The following PEAK1 variants were observed in gnomAD, a reference collection of about 807,000 sequenced individuals.
PEAK1 encodes inactive tyrosine-protein kinase PEAK1.
PEAK1 carries 54 observed loss-of-function variants against 124.7 expected under a neutral mutation model. The observed-to-expected ratio is 0.43, with a 90% confidence interval of 0.35 to 0.54. PEAK1 has a LOEUF of 0.54. PEAK1 is among the 20% of genes least tolerant of loss of function. The pLI is 0.01. For missense variants in PEAK1, 2,046 were observed against 2,134.5 expected (o/e 0.96, Z 0.82); for synonymous variants, 719 against 760.0 (o/e 0.95, Z 0.89).
At chr15:77,173,263 T>C (rs2056632120) in intron 7 of PEAK1, among the ~76,000 whole-genome samples, 1 of 152,206 alleles carries the variant, frequency 6.6e-6, no homozygotes, top group Non-Finnish European at 1.5e-5. Context: ...TGATCACTAA[T>C]TGACCTTACA....
At chr15:77,346,405 TTCATTTTGCTA>T in intron 2 of PEAK1, 1 of 981,084 alleles carries the variant, frequency 1.0e-6, no homozygotes, top group Non-Finnish European at 1.2e-6. Context: ...AGAAGGCAAT[TTCATTTTGCTA>T]GGATGACAGT....
intron 1 of PEAK1, among the ~76,000 whole-genome samples, chr15:77,406,774 C>A (rs561190709): frequency 1.3e-4 from 19 of 151,934 alleles, no homozygotes; most frequent in South Asian, 8.3e-4. Context: ...AAAAAATGAT[C>A]CTAAAGTTCA....
intron 6 of PEAK1, among the ~76,000 whole-genome samples, chr15:77,185,057 G>A (rs1240043674): frequency 1.3e-5 from 2 of 152,230 alleles, no homozygotes; most frequent in Non-Finnish European, 2.9e-5. Flanking sequence ...GATCTGATGA[G>A]GATCTGGATT....
At chr15:77,351,605 A>G in intron 2 of PEAK1, 1 of 639,652 alleles carries the variant, frequency 1.6e-6, no homozygotes, top group Middle Eastern at 8.0e-4. Context: ...GCTCAGGCCC[A>G]CTCCCACACT....
intron 1 of PEAK1, chr15:77,418,624 T>G: frequency 1.0e-6 from 1 of 985,256 alleles, no homozygotes; most frequent in Non-Finnish European, 1.2e-6. Context: ...CCCAGGCAAG[T>G]CAGAAAGTAA....
chr15:77,193,855 A>G (rs183011163), intron 6 of PEAK1, among the ~76,000 whole-genome samples: 1 of 136,036 alleles, frequency 7.4e-6, no homozygotes. Flanking sequence ...ACTAAACTAA[A>G]CTAATCTAAC....
At chr15:77,355,476 CAG>C (rs1271568460) in intron 2 of PEAK1, among the ~76,000 whole-genome samples, 1 of 152,164 alleles carries the variant, frequency 6.6e-6, no homozygotes, top group Admixed American at 6.5e-5. Context: ...GACTTTAAGT[CAG>C]AGAGACCCTT....
In PEAK1 at chr15:77,350,363, G is replaced by C. The variant is rs1355966727; in HGVS notation, c.-603+14800C>G. On this transcript the variant is annotated intron_variant, in intron 2 of 9. Coordinates refer to ENST00000682557, the MANE Select transcript of PEAK1 (RefSeq NM_001385026.1). ...AGAGTATCATCAAATTAACTACTTA[G>C]CTCAGTTCACAAGACTTCATTTGTG... is the stretch of plus-strand genomic sequence containing the variant. 6 of 985,196 alleles carry C rather than the reference G, an allele frequency of 6.1e-6. No homozygotes were observed. The East Asian group carries it at 6.8e-4, about 112-fold the overall frequency. The allele number at this position is 985,196 out of a possible 1,614,324, so 61.0% of individuals were successfully genotyped here.
At chr15:77,137,494 C>T (rs536028905) in intron 8 of PEAK1, among the ~76,000 whole-genome samples, 9 of 152,312 alleles carry the variant, frequency 5.9e-5, no homozygotes, top group Middle Eastern at 6.8e-3. Flanking sequence ...GACCCGGATG[C>T]AAGACATGGA....
chr15:77,167,642 G>T (rs1157016523), intron 7 of PEAK1, among the ~76,000 whole-genome samples: 1 of 152,202 alleles, frequency 6.6e-6, no homozygotes, highest in Non-Finnish European at 1.5e-5. Context: ...CTCTTTATGA[G>T]AAGTAGAAGT....
intron 2 of PEAK1, chr15:77,353,026 T>G (rs2067299477): frequency 1.0e-6 from 1 of 985,112 alleles, no homozygotes; most frequent in Non-Finnish European, 1.2e-6. Context: ...TGTTGGCTAA[T>G]AGCAAAGAAA....
chr15:77,218,750 A>G (rs1228234278), intron 6 of PEAK1, among the ~76,000 whole-genome samples: 2 of 151,958 alleles, frequency 1.3e-5, no homozygotes, highest in African/African-American at 4.8e-5. Context: ...ACTCAGGTAT[A>G]TTTTGCATTA....
chr15:77,334,470 A>C (rs2066073514), intron 2 of PEAK1: 2 of 985,070 alleles, frequency 2.0e-6, no homozygotes, highest in Middle Eastern at 1.0e-3. Flanking sequence ...AGTAGAGGAG[A>C]TTTAGTCAGA....
intron 1 of PEAK1, chr15:77,417,894 A>G: frequency 2.0e-6 from 2 of 984,332 alleles, no homozygotes; most frequent in Non-Finnish European, 2.4e-6. Flanking sequence ...GTTGAAAAAC[A>G]TGTATGCAAA....
chr15:77,266,410 C>T (rs2152948616), intron 5 of PEAK1, among the ~76,000 whole-genome samples: 1 of 152,220 alleles, frequency 6.6e-6, no homozygotes, highest in African/African-American at 2.4e-5. Context: ...CGCCTCCTGC[C>T]AAGTGTCACT....
intron 6 of PEAK1, among the ~76,000 whole-genome samples, chr15:77,191,358 G>T (rs577118009): frequency 6.6e-6 from 1 of 152,004 alleles, no homozygotes; most frequent in African/African-American, 2.4e-5. Flanking sequence ...TACATCCAGC[G>T]GAGGCCAGGA....
intron 5 of PEAK1, among the ~76,000 whole-genome samples, chr15:77,278,096 G>A (rs771654098): frequency 2.0e-5 from 3 of 152,126 alleles, no homozygotes; most frequent in Non-Finnish European, 2.9e-5. Context: ...AATGCTATAC[G>A]CTCGTGGGCA....
intron 2 of PEAK1, among the ~76,000 whole-genome samples, chr15:77,355,480 G>C (rs1014906965): frequency 4.6e-5 from 7 of 152,180 alleles, no homozygotes; most frequent in African/African-American, 1.7e-4. Context: ...TTAAGTCAGA[G>C]AGACCCTTTT....
chr15:77,217,370 G>A (rs1473218391), intron 6 of PEAK1, among the ~76,000 whole-genome samples: 1 of 152,050 alleles, frequency 6.6e-6, no homozygotes, highest in Admixed American at 6.6e-5. Flanking sequence ...TTTTTGGGAT[G>A]CTCAAGGCAT....
Sources: allele counts gnomAD v4.1 joint callset (sites outside exome capture counted in the v4.1 genomes callset), GRCh38; gene constraint gnomAD v4.1.1; transcripts MANE v1.5; gene names NCBI Gene and HGNC (gene_info 2026-07-23, HGNC 2026-07-21).